DKK3: variants seen among roughly 807,000 people sequenced by gnomAD.
DKK3 encodes dickkopf-related protein 3.
DKK3 carries 22 observed loss-of-function variants against 33.2 expected under a neutral mutation model. The ratio of observed to expected loss-of-function variants is 0.66; its 90% CI spans 0.47 to 0.95. The LOEUF is 0.95. Among genes scored for constraint, DKK3 ranks in the 40% least tolerant of loss-of-function variants. DKK3 has a pLI of 0.00. For missense variants in DKK3, 398 were observed against 458.4 expected, an observed-to-expected ratio of 0.87 and a Z score of 1.20; for synonymous variants, 194 against 188.8, an observed-to-expected ratio of 1.03 and a Z score of -0.23.
intron 3 of DKK3, among the ~76,000 whole-genome samples, chr11:11,988,208 T>C (rs1013073824): frequency 1.3e-5 from 2 of 152,142 alleles, no homozygotes; most frequent in Non-Finnish European, 2.9e-5. Flanking sequence ...AGGTGAAAAA[T>C]GAAACTGACA....
intron 3 of DKK3, among the ~76,000 whole-genome samples, chr11:11,972,779 AG>A (rs1430383579): frequency 1.3e-5 from 2 of 152,286 alleles, no homozygotes; most frequent in Admixed American, 1.3e-4. Context: ...TCCACATTTG[AG>A]CCAAGGTGTT....
Position 11,964,664 on chromosome 11 carries a change from T to C in DKK3, c.853A>G (p.Lys285Glu). The C allele has an allele frequency of 6.2e-7, 1 of 1,614,042 alleles. No individual in the cohort carries two copies. The highest frequency in any genetic ancestry group is 8.5e-7 in the Non-Finnish European group (1 of 1,179,994). ...PHSHSLVYVC[K>E]PTFVGSRDQD... ...TCACGGCTCCCCACGAAGGTCGGCT[T>C]GCACACATACACCAGGCTGTGGCTG... Residue 285 changes from lysine (K) to glutamate (E), a missense_variant, in exon 7 of 7, where the codon AAG becomes GAG. Lys to Glu is a moderately conservative substitution (Grantham distance 56). Coordinates refer to ENST00000683431, the MANE Select transcript of DKK3 (RefSeq NM_001018057.2).
chr11:11,999,256 T>C (rs2133324569), intron 2 of DKK3, among the ~76,000 whole-genome samples: 1 of 152,332 alleles, frequency 6.6e-6, no homozygotes, highest in South Asian at 2.1e-4. Flanking sequence ...AAGAAAGTGC[T>C]TAAGTATAAT....
At chr11:11,987,090 C>T (rs1157849222) in intron 3 of DKK3, among the ~76,000 whole-genome samples, 1 of 152,192 alleles carries the variant, frequency 6.6e-6, no homozygotes, top group Non-Finnish European at 1.5e-5. Context: ...TATCCATGTC[C>T]AGCACAGACA....
At chr11:11,985,881 A>T (rs1246450985) in intron 3 of DKK3, among the ~76,000 whole-genome samples, 6 of 152,226 alleles carry the variant, frequency 3.9e-5, no homozygotes, top group African/African-American at 1.4e-4. Flanking sequence ...GCTCTGCACA[A>T]GGCAAGCACT....
At chr11:12,008,646 A>G, upstream of DKK3, 1 of 1,271,618 alleles carries the variant, frequency 7.9e-7, no homozygotes, top group Non-Finnish European at 9.9e-7. The surrounding 1 kb of genome is among the most constrained non-coding windows in gnomAD (Gnocchi z 4.6). Context: ...CGCGCGGACC[A>G]CCCCCCTCGC....
intron 1 of DKK3, among the ~76,000 whole-genome samples, chr11:12,004,489 G>A (rs1271112077): frequency 2.6e-5 from 4 of 152,228 alleles, no homozygotes; most frequent in Non-Finnish European, 5.9e-5. Context: ...AAGCCACTGA[G>A]AGATGGCCAC....
At chr11:12,009,161 C>T, upstream of DKK3, 3 of 985,532 alleles carry the variant, frequency 3.0e-6, no homozygotes, top group Non-Finnish European at 3.6e-6. Context: ...CCGCCGCCGC[C>T]CCTCACCCAC....
chr11:12,002,475 C>A (rs781473368), intron 1 of DKK3, 38 bp from the exon 2 acceptor site: 2 of 1,592,870 alleles, frequency 1.3e-6, no homozygotes, highest in Non-Finnish European at 1.7e-6. Context: ...AAATTATTTT[C>A]TCTTGTTACA....
Position 12,008,451 on chromosome 11 carries a change from C to G in DKK3, c.132G>C (p.Glu44Asp), listed in dbSNP as rs1172307015. 6.2e-7 allele frequency: 1 copy of G among 1,610,736 alleles called. No individual in the cohort carries two copies. Among genetic ancestry groups the G allele is most frequent in the East Asian group, 2.2e-5 (1 of 44,838 alleles). The change falls in exon 1 of 7, where the codon GAG becomes GAC. Residue 44 changes from glutamate (E) to aspartate (D), a missense_variant. Coordinates refer to ENST00000683431, the MANE Select transcript of DKK3 (RefSeq NM_001018057.2). The surrounding 1 kb of genome is among the most constrained non-coding windows in gnomAD (Gnocchi z 4.6). The part of the protein sequence containing the change: ...PGPALSYPQE[E>D]ATLNEMFREV... Reference sequence around the variant, plus strand: ...CGCGGAACATCTCATTGAGGGTGGCCTCCTCCTGCGGGTAGCTGAGAGCCG... The same window carrying G: ...CGCGGAACATCTCATTGAGGGTGGCGTCCTCCTGCGGGTAGCTGAGAGCCG...
chr11:11,993,033 G>A (rs1324782825), intron 3 of DKK3, among the ~76,000 whole-genome samples: 1 of 152,210 alleles, frequency 6.6e-6, no homozygotes, highest in Non-Finnish European at 1.5e-5. Context: ...TAAAATGGGT[G>A]TAGCCTTCCT....
chr11:11,985,085 TG>T (rs1192870200), intron 3 of DKK3, among the ~76,000 whole-genome samples: 2 of 152,178 alleles, frequency 1.3e-5, no homozygotes, highest in African/African-American at 2.4e-5. Flanking sequence ...GCAAGAAACG[TG>T]GAACTCCAGC....
chr11:11,978,447 T>TTCTTCTTCCTCTTCC (rs1847883520), intron 3 of DKK3, among the ~76,000 whole-genome samples: 4 of 150,912 alleles, frequency 2.7e-5, no homozygotes, highest in Non-Finnish European at 5.9e-5. Flanking sequence ...CCTCTTCCTC[T>TTCTTCTTCCTCTTCC]TCTTCTTCCT....
intron 3 of DKK3, among the ~76,000 whole-genome samples, chr11:11,971,877 C>A: frequency 6.6e-6 from 1 of 152,098 alleles, no homozygotes; most frequent in East Asian, 1.9e-4. Context: ...TTTGAAAAAC[C>A]TAAATATACC....
intron 3 of DKK3, among the ~76,000 whole-genome samples, chr11:11,994,272 T>C (rs1028117684): frequency 1.3e-5 from 2 of 151,988 alleles, no homozygotes; most frequent in African/African-American, 4.8e-5. Flanking sequence ...TTTATAAACC[T>C]TGCCACACTA....
chr11:12,007,256 G>A (rs1307984152), intron 1 of DKK3, among the ~76,000 whole-genome samples: 1 of 152,212 alleles, frequency 6.6e-6, no homozygotes, highest in African/African-American at 2.4e-5. Context: ...GCCCAAGGGG[G>A]ATACCAAGCT....
chr11:11,973,360 C>T (rs993232620), intron 3 of DKK3, among the ~76,000 whole-genome samples: 1 of 152,144 alleles, frequency 6.6e-6, no homozygotes, highest in African/African-American at 2.4e-5. Context: ...CTTAGTAGCA[C>T]CTGCCCGGGA....
chr11:12,008,856 G>GCT (rs1848600879), upstream of DKK3: 1 of 1,147,254 alleles, frequency 8.7e-7, no homozygotes, highest in Non-Finnish European at 1.1e-6. The surrounding 1 kb of genome is among the most constrained non-coding windows in gnomAD (Gnocchi z 4.6). Flanking sequence ...CACAAGCTGA[G>GCT]CTCTGCTCCT....
At chr11:11,984,666 A>AG (rs560285404) in intron 3 of DKK3, among the ~76,000 whole-genome samples, 4 of 151,628 alleles carry the variant, frequency 2.6e-5, no homozygotes, top group East Asian at 1.9e-4. Flanking sequence ...AAAAAAAAAA[A>AG]AAAAAAGAAA....
Sources: allele counts gnomAD v4.1 joint callset (sites outside exome capture counted in the v4.1 genomes callset), GRCh38; gene constraint gnomAD v4.1.1; non-coding constraint Gnocchi (gnomAD v3.1); transcripts MANE v1.5; gene names NCBI Gene and HGNC (gene_info 2026-07-23, HGNC 2026-07-21).